MUC7: variants seen among roughly 807,000 people sequenced by gnomAD.
The protein encoded by MUC7 is mucin-7.
MUC7 carries 2 observed loss-of-function variants against 2.5 expected under a neutral mutation model. The ratio of observed to expected loss-of-function variants is 0.81; its 90% confidence interval spans 0.33 to 2.55. The LOEUF is 2.55. MUC7 is among the 30% of genes most tolerant of loss of function. The pLI is 0.11. For synonymous variants in MUC7, 133 were observed against 173.4 expected, an observed-to-expected ratio of 0.77 and a Z score of 1.83; for missense variants, 408 against 455.6, an observed-to-expected ratio of 0.90 and a Z score of 0.95.
intron 1 of MUC7, among the ~76,000 whole-genome samples, chr4:70,449,067 A>C (rs1244689719): frequency 6.6e-6 from 1 of 151,938 alleles, no homozygotes. Context: ...CTGTAGTTTT[A>C]TTTTCTTGTG....
chr4:70,461,225 G>A (rs927869732), intron 1 of MUC7, among the ~76,000 whole-genome samples: 8 of 152,122 alleles, frequency 5.3e-5, no homozygotes, highest in Non-Finnish European at 8.8e-5. Flanking sequence ...TGGTAATTTT[G>A]GTTCTTTCTG....
chr4:70,480,619 T>C (rs998210), intron 2 of MUC7, among the ~76,000 whole-genome samples, 180 bp from the exon 3 acceptor site: 13,615 of 152,268 alleles, frequency 0.089, 790 homozygotes, highest in East Asian at 0.21. Flanking sequence ...GAAAACTCTC[T>C]AGTAGCAATT....
chr4:70,452,355 T>C (rs1219559779), intron 1 of MUC7, among the ~76,000 whole-genome samples: 1 of 152,186 alleles, frequency 6.6e-6, no homozygotes, highest in Non-Finnish European at 1.5e-5. Context: ...GTCTTCCTTT[T>C]AGTGAAGATG....
intron 2 of MUC7, among the ~76,000 whole-genome samples, chr4:70,474,713 T>TTCCACACCAA (rs1734944922): frequency 6.6e-6 from 1 of 151,988 alleles, no homozygotes; most frequent in Non-Finnish European, 1.5e-5. Context: ...TAGGTCTTGG[T>TTCCACACCAA]GTGGAATATG....
Position 70,476,233 on chromosome 4 carries a change from C to T in MUC7, c.54+2158C>T, listed in dbSNP as rs187307276. Among the ~76,000 whole-genome samples the T allele has an allele frequency of 2.9e-3, 436 of 152,276 alleles. 4 individuals are homozygous for T. The highest frequency in any genetic ancestry group is 9.5e-3 in the African/African-American group (393 of 41,558). The stretch of plus-strand genomic sequence containing the variant: ...GATAAGGCTTTAAGTTCTGAATATG[C>T]ACAGTGATGTTAACTTTTTAATAAG... On this transcript the variant is annotated intron_variant, in intron 2 of 2. Transcript: ENST00000304887.
At chr4:70,440,849 T>A (rs369197534) in intron 1 of MUC7, among the ~76,000 whole-genome samples, 2 of 151,728 alleles carry the variant, frequency 1.3e-5, no homozygotes, top group East Asian at 3.9e-4. Flanking sequence ...TAACAGCACA[T>A]CCCTTGTAGG....
rs1308534770 is a variant in MUC7 at position 70,431,991 on chromosome 4, T to C, written c.-93+1304T>C. On this transcript the variant is annotated intron_variant, in intron 1 of 3. Transcript: ENST00000413702. The stretch of plus-strand genomic sequence containing the variant: ...CAATTCCCACCTATGAGTAAGAACA[T>C]GCAGTGTTTGGTTTTTTGTCCTCAT... Among the ~76,000 whole-genome samples, 5 of 152,120 alleles carry C rather than the reference T, an allele frequency of 3.3e-5. No individual in the cohort carries two copies. The East Asian group carries it at 5.8e-4, about 18-fold the overall frequency.
chr4:70,471,820 A>G (rs1734842229), upstream of MUC7: 1 of 152,164 alleles, frequency 6.6e-6, no homozygotes, highest in Non-Finnish European at 1.5e-5. Flanking sequence ...ACAAGGAAAT[A>G]TGGTGTTCCA....
At chr4:70,442,726 G>C (rs972805572) in intron 1 of MUC7, among the ~76,000 whole-genome samples, 1 of 152,136 alleles carries the variant, frequency 6.6e-6, no homozygotes, top group Non-Finnish European at 1.5e-5. Context: ...CCTTTTGCCT[G>C]GGCTTGAAGG....
intron 1 of MUC7, among the ~76,000 whole-genome samples, chr4:70,435,179 T>C (rs1260288234): frequency 1.3e-5 from 2 of 152,244 alleles, no homozygotes; most frequent in African/African-American, 4.8e-5. Flanking sequence ...AGAATGTATA[T>C]TCTGTTGACT....
At chr4:70,478,538 G>A (rs948525933) in intron 2 of MUC7, among the ~76,000 whole-genome samples, 3 of 152,188 alleles carry the variant, frequency 2.0e-5, no homozygotes, top group African/African-American at 7.2e-5. Flanking sequence ...CTTGACCAAA[G>A]TCACTCAGCT....
chr4:70,463,748 G>A (rs145465147), intron 1 of MUC7, among the ~76,000 whole-genome samples: 13 of 152,198 alleles, frequency 8.5e-5, no homozygotes, highest in South Asian at 8.3e-4. Context: ...CTTTAACACC[G>A]TAAGAACATT....
intron 1 of MUC7, among the ~76,000 whole-genome samples, chr4:70,435,844 T>A (rs1430743984): frequency 2.0e-5 from 3 of 152,206 alleles, no homozygotes; most frequent in Non-Finnish European, 4.4e-5. Flanking sequence ...TGGTACCGGT[T>A]TTTCCTCTCC....
chr4:70,445,452 A>C (rs1210011256), intron 1 of MUC7, among the ~76,000 whole-genome samples: 1 of 152,234 alleles, frequency 6.6e-6, no homozygotes, highest in African/African-American at 2.4e-5. Context: ...AGCACAAATA[A>C]TTCATATAAA....
rs1231262434 is a variant in MUC7, at chr4:70,481,038, C to A, written c.294C>A (p.Ser98Arg). 5.6e-6 allele frequency: 9 copies of A among 1,614,152 alleles called. 1 individual carries two copies. Among genetic ancestry groups the A allele is most frequent in the African/African-American group, 2.7e-5 (2 of 75,066 alleles). Residue 98 changes from serine (S) to arginine (R), a missense_variant, in exon 3 of 3, where the codon AGC becomes AGA. Around this residue, in one of 3 missense-constraint regions of MUC7, gnomAD observed 225 missense variants for 240.5 expected, o/e 0.94. Transcript: ENST00000304887. ...CACCTAAACATCCAGATAAAAATAG[C>A]AGTGTGGTCAACCCTACCTTAGTGG... ...HQPPKHPDKNSSVVNPTLVAT... is the reference protein window; with the variant it reads ...HQPPKHPDKNRSVVNPTLVAT...
chr4:70,435,688 T>C (rs1733812371), intron 1 of MUC7, among the ~76,000 whole-genome samples: 1 of 152,222 alleles, frequency 6.6e-6, no homozygotes, highest in African/African-American at 2.4e-5. Context: ...ATTGGGGCAT[T>C]TAGCCCATTT....
At position 70,451,368 on chromosome 4, in the gene MUC7, C is replaced by T. The variant is rs371788356; in HGVS notation, c.-93+20681C>T. ...TTCATTACTGTTTTCTCTAACTCTT[C>T]AATGCCTCTTTTAGTGATATAAAGA... On this transcript the variant is annotated intron_variant, in intron 1 of 3. Transcript: ENST00000413702. Among the ~76,000 whole-genome samples, 77 of 152,332 alleles carry T rather than the reference C, an allele frequency of 5.1e-4. 2 individuals carry two copies. The South Asian group carries it at 0.016, about 31-fold the overall frequency.
intron 1 of MUC7, among the ~76,000 whole-genome samples, chr4:70,449,602 G>A (rs1043342527): frequency 6.6e-6 from 1 of 152,102 alleles, no homozygotes; most frequent in Non-Finnish European, 1.5e-5. Context: ...TCTTGGGAAG[G>A]CTTTCCAGAT....
intron 1 of MUC7, among the ~76,000 whole-genome samples, chr4:70,434,579 T>G (rs1383864776): frequency 6.6e-6 from 1 of 152,222 alleles, no homozygotes; most frequent in Non-Finnish European, 1.5e-5. Context: ...CCTTTATCAT[T>G]TTTTATTGCA....
Sources: gnomAD v4.1 joint callset for allele counts (sites outside exome capture counted in the v4.1 genomes callset) on GRCh38, gnomAD v4.1.1 for gene constraint, gnomAD v4.1.1 regional missense constraint, MANE v1.5 for transcripts, NCBI Gene and HGNC (gene_info 2026-07-23, HGNC 2026-07-21) for gene names.